The following PPP1R9A variants were observed in gnomAD, a reference collection of about 807,000 sequenced individuals.
PPP1R9A encodes protein phosphatase 1 regulatory subunit 9A, also known as neurabin-1.
A neutral mutation model predicts 141.9 loss-of-function variants in PPP1R9A; 59 were observed. The ratio of observed to expected loss-of-function variants is 0.42; its 90% CI spans 0.34 to 0.52. The LOEUF is 0.52. Ranked by LOEUF, PPP1R9A falls within the 20% of genes least tolerant of loss-of-function variation. The pLI, the probability that PPP1R9A is intolerant of heterozygous loss-of-function variation, is 0.10. For missense variants in PPP1R9A, 1,444 were observed against 1,611.9 expected, an observed-to-expected ratio of 0.90 and a Z score of 1.78; for synonymous variants, 500 against 569.7, an observed-to-expected ratio of 0.88 and a Z score of 1.74.
chr7:95,049,699 T>C (rs1810524543), intron 2 of PPP1R9A, among the ~76,000 whole-genome samples: 2 of 152,212 alleles, frequency 1.3e-5, no homozygotes, highest in African/African-American at 4.8e-5. Context: ...CCCTTCCTCC[T>C]GCCAATTGCT....
Position 95,198,540 on chromosome 7 carries a change from C to G in PPP1R9A, c.1890+56C>G, listed in dbSNP as rs867420727. On this transcript the variant is annotated intron_variant, in intron 6 of 19. Coordinates refer to ENST00000433360, the MANE Select transcript of PPP1R9A (RefSeq NM_001166160.2). ...CACATTTTCTAATTCATGAAACTCT[C>G]TCTACTGTATAACAGTATGACAGGT... 5.3e-6 allele frequency: 8 copies of G among 1,498,708 alleles called. No individual in the cohort carries two copies. The African/African-American group carries it at 5.6e-5, about 10-fold the overall frequency. The allele number at this position is 1,498,708 out of a possible 1,614,324, so 92.8% of individuals were successfully genotyped here.
chr7:95,032,583 A>C (rs1040341929), intron 2 of PPP1R9A, among the ~76,000 whole-genome samples: 2 of 152,154 alleles, frequency 1.3e-5, no homozygotes, highest in African/African-American at 4.8e-5. Flanking sequence ...AATATATCTT[A>C]TTATATTCTA....
chr7:95,115,276 G>GGT (rs1821280050), intron 3 of PPP1R9A, among the ~76,000 whole-genome samples: 1 of 152,050 alleles, frequency 6.6e-6, no homozygotes, highest in South Asian at 2.1e-4. Flanking sequence ...TGTCAAATGA[G>GGT]GTGAATGCCC....
At chr7:95,024,653 T>C (rs1036260952) in intron 2 of PPP1R9A, among the ~76,000 whole-genome samples, 3 of 152,186 alleles carry the variant, frequency 2.0e-5, no homozygotes, top group African/African-American at 2.4e-5. Flanking sequence ...ATCCCTTTAT[T>C]TTGAGCCTAT....
chr7:95,125,904 A>C (rs1273425494), intron 4 of PPP1R9A, among the ~76,000 whole-genome samples: 1 of 152,124 alleles, frequency 6.6e-6, no homozygotes, highest in Non-Finnish European at 1.5e-5. Context: ...CTTATCCTGC[A>C]GCAAATTCAC....
chr7:95,290,409 T>C lies in PPP1R9A; in HGVS notation c.*106T>C, dbSNP rs957293587. On this transcript the variant is annotated 3_prime_UTR_variant, in exon 20 of 20. Transcript: ENST00000433360. Reference sequence around the variant, plus strand: ...AAAAGAAACTAAATGATAAGGGTAATGCGGCTCTAGGCCGGCTGAGGAACT... The same window carrying C: ...AAAAGAAACTAAATGATAAGGGTAACGCGGCTCTAGGCCGGCTGAGGAACT... 2 of 1,286,918 alleles carry C rather than the reference T, an allele frequency of 1.6e-6. No individual in the cohort carries two copies. The highest frequency in any genetic ancestry group is 3.0e-5 in the African/African-American group (2 of 66,054). 79.7% of individuals were successfully genotyped at this position (1,286,918 alleles called of 1,614,324 possible). A position where few individuals can be genotyped will look rare whatever the true frequency, so the allele number is the denominator to read the frequency against.
chr7:95,275,217 G>A (rs182161562), intron 16 of PPP1R9A, among the ~76,000 whole-genome samples: 1,770 of 152,080 alleles, frequency 0.012, 43 homozygotes, highest in African/African-American at 0.041. Context: ...AGACCAGCCC[G>A]GCCAACATGG....
chr7:95,124,373 T>G (rs1037342496), intron 4 of PPP1R9A, among the ~76,000 whole-genome samples: 2 of 152,126 alleles, frequency 1.3e-5, no homozygotes, highest in Admixed American at 1.3e-4. Flanking sequence ...TTCTCTCTCT[T>G]TGTTCCTTTT....
chr7:95,202,209 T>A (rs1183994066), intron 6 of PPP1R9A, among the ~76,000 whole-genome samples: 1 of 152,200 alleles, frequency 6.6e-6, no homozygotes, highest in African/African-American at 2.4e-5. Flanking sequence ...TTAAGCTATG[T>A]AGATAATTTT....
rs1462628370 is a variant in PPP1R9A at position 95,296,116 on chromosome 7, A to ATTTT, written c.*5814_*5817dup. 6.6e-6 allele frequency: 1 copy of ATTTT among 152,574 alleles called. No individual in the cohort carries two copies. The highest frequency in any genetic ancestry group is 1.5e-5 in the Non-Finnish European group (1 of 68,024). 9.5% of individuals were successfully genotyped at this position (152,574 alleles called of 1,614,324 possible). ...TGTTACCTAAGCTTTTAATTTGTAC[A>ATTTT]TTTTGATGTCTGATCATTTGCATGG... On this transcript the variant is annotated 3_prime_UTR_variant, in exon 20 of 20. Coordinates refer to ENST00000433360, the MANE Select transcript of PPP1R9A (RefSeq NM_001166160.2).
chr7:95,175,924 AG>A (rs1294974857), intron 5 of PPP1R9A, among the ~76,000 whole-genome samples: 1 of 152,150 alleles, frequency 6.6e-6, no homozygotes, highest in African/African-American at 2.4e-5. Context: ...AATACATAAA[AG>A]AAAATATAGG....
Position 95,291,470 on chromosome 7 carries a change from AGTTT to A in PPP1R9A, c.*1172_*1175del, listed in dbSNP as rs1479053144. On this transcript the variant is annotated 3_prime_UTR_variant, in exon 20 of 20. Transcript: ENST00000433360. ...CAAAGATTCTCAATTTTACAGAAAA[AGTTT>A]GTTTAAGGCAGTGCATAGGTATACT... 1.3e-5 allele frequency: 2 copies of A among 152,176 alleles called. No homozygotes were observed. The highest frequency in any genetic ancestry group is 1.9e-4 in the East Asian group (1 of 5,188). 9.4% of individuals were successfully genotyped at this position (152,176 alleles called of 1,614,324 possible). A position where few individuals can be genotyped will look rare whatever the true frequency, so the allele number is the denominator to read the frequency against.
intron 2 of PPP1R9A, among the ~76,000 whole-genome samples, chr7:95,082,916 C>A (rs1011835645): frequency 6.6e-6 from 1 of 151,364 alleles, no homozygotes; most frequent in African/African-American, 2.4e-5. Flanking sequence ...CCACCACGCC[C>A]GGCTAATTTT....
At chr7:95,225,796 A>C (rs185812043) in intron 7 of PPP1R9A, among the ~76,000 whole-genome samples, 165 bp from the exon 8 acceptor site, 55 of 152,310 alleles carry the variant, frequency 3.6e-4, no homozygotes, top group African/African-American at 1.3e-3. Flanking sequence ...TTAAACTAAC[A>C]TTTGTTTATA....
chr7:95,272,404 A>G (rs1039498310), intron 14 of PPP1R9A, among the ~76,000 whole-genome samples: 9 of 152,186 alleles, frequency 5.9e-5, no homozygotes, highest in African/African-American at 2.2e-4. Context: ...GTCTATGTCT[A>G]TGGATTTTTT....
In PPP1R9A at chr7:95,005,912, C is replaced by CA. The variant is rs972430409; in HGVS notation, c.1395+94413dup. On this transcript the variant is annotated intron_variant, in intron 2 of 19. Transcript: ENST00000433360. ...AAATTATTATTCTCTTCTAAAGATA[C>CA]AAAAAAAAATTGATGAGAAGAATCA... is the stretch of plus-strand genomic sequence containing the variant. 2.1e-4 allele frequency among the ~76,000 whole-genome samples: 31 copies of CA among 150,374 alleles called. No individual in the cohort carries two copies. The East Asian group carries it at 3.7e-3, about 18-fold the overall frequency.
At chr7:94,958,938 G>A (rs1458873289) in intron 2 of PPP1R9A, among the ~76,000 whole-genome samples, 3 of 151,952 alleles carry the variant, frequency 2.0e-5, no homozygotes, top group Non-Finnish European at 4.4e-5. Flanking sequence ...TTGGAGAATA[G>A]TTAATGAACA....
chr7:94,970,051 A>C (rs2151214206), intron 2 of PPP1R9A, among the ~76,000 whole-genome samples: 1 of 152,176 alleles, frequency 6.6e-6, no homozygotes, highest in South Asian at 2.1e-4. Flanking sequence ...TGGCAACGAG[A>C]GTTTCAAGCC....
chr7:94,957,766 C>A (rs1275983254), intron 2 of PPP1R9A, among the ~76,000 whole-genome samples: 4 of 152,072 alleles, frequency 2.6e-5, no homozygotes, highest in African/African-American at 9.7e-5. Context: ...GCCCACTTTA[C>A]TGTACGACCC....
Sources: allele counts gnomAD v4.1 joint callset (sites outside exome capture counted in the v4.1 genomes callset), GRCh38; gene constraint gnomAD v4.1.1; transcripts MANE v1.5; gene names NCBI Gene and HGNC (gene_info 2026-07-23, HGNC 2026-07-21).